The following NAV2 variants were observed in gnomAD, a reference collection of about 807,000 sequenced individuals.
NAV2 encodes neuron navigator 2.
A neutral mutation model predicts 223.2 loss-of-function variants in NAV2; 54 were observed. The ratio of observed to expected loss-of-function variants is 0.24; its 90% confidence interval spans 0.19 to 0.30. The LOEUF (loss-of-function observed/expected upper bound fraction) is 0.30, where lower values mean the gene tolerates loss of function less well. Ranked by LOEUF, NAV2 falls within the 10% of genes least tolerant of loss-of-function variation. NAV2 has a pLI of 1.00. For synonymous variants in NAV2, 1,279 were observed against 1,239.3 expected, an observed-to-expected ratio of 1.03 and a Z score of -0.67; for missense variants, 2,806 against 3,147.5, an observed-to-expected ratio of 0.89 and a Z score of 2.60.
intron 2 of NAV2, among the ~76,000 whole-genome samples, chr11:19,839,339 GAGA>G (rs2044473749): frequency 1.3e-5 from 2 of 152,202 alleles, no homozygotes; most frequent in Admixed American, 1.3e-4. Flanking sequence ...GGGAGCGAGA[GAGA>G]AGGGGTGGGA....
chr11:19,985,684 C>A (rs888183373), intron 11 of NAV2, among the ~76,000 whole-genome samples: 1 of 152,064 alleles, frequency 6.6e-6, no homozygotes, highest in African/African-American at 2.4e-5. Flanking sequence ...TCAAGCAATT[C>A]TCCTGCCTCA....
intron 35 of NAV2, among the ~76,000 whole-genome samples, chr11:20,107,057 ATTTTTTTTTTTTTTTTT>A (rs10590815): frequency 3.3e-4 from 9 of 27,228 alleles, no homozygotes; most frequent in South Asian, 2.0e-3. Flanking sequence ...ATGGGCTTCC[ATTTTTTTTTTTTTTTTT>A]TTTTTTTTTT....
At chr11:20,077,801 A>T (rs1372223984) in intron 23 of NAV2, among the ~76,000 whole-genome samples, 166 bp downstream of exon 23, 1 of 152,240 alleles carries the variant, frequency 6.6e-6, no homozygotes, top group African/African-American at 2.4e-5. Context: ...TGACAGATTG[A>T]TAATGGCATC....
chr11:19,664,065 C>A (rs937199218), intron 1 of NAV2, among the ~76,000 whole-genome samples: 5 of 152,192 alleles, frequency 3.3e-5, no homozygotes, highest in Non-Finnish European at 5.9e-5. Context: ...TGAAAGGAAG[C>A]CTTTCTTCCC....
chr11:20,020,418 G>A (rs573018865), intron 11 of NAV2, among the ~76,000 whole-genome samples: 1 of 152,246 alleles, frequency 6.6e-6, no homozygotes, highest in Non-Finnish European at 1.5e-5. Context: ...CCTGGCTCTT[G>A]AAAAGCGCCA....
At chr11:19,820,667 T>A (rs1482703286) in intron 1 of NAV2, among the ~76,000 whole-genome samples, 1 of 152,244 alleles carries the variant, frequency 6.6e-6, no homozygotes, top group Admixed American at 6.5e-5. Context: ...AGCTATGTGA[T>A]CCTGTGCACC....
At chr11:19,937,904 T>G (rs2046051594) in intron 7 of NAV2, among the ~76,000 whole-genome samples, 1 of 152,036 alleles carries the variant, frequency 6.6e-6, no homozygotes, top group Non-Finnish European at 1.5e-5. Context: ...AACAAGAGAA[T>G]AAGGAGAGTG....
chr11:19,986,472 T>A (rs1010060130), intron 11 of NAV2, among the ~76,000 whole-genome samples: 1 of 152,024 alleles, frequency 6.6e-6, no homozygotes, highest in Non-Finnish European at 1.5e-5. Context: ...ATGCAAAAAT[T>A]AGCCGTTTGT....
At chr11:19,451,668 A>G (rs2094096376) in intron 1 of NAV2, among the ~76,000 whole-genome samples, 1 of 152,196 alleles carries the variant, frequency 6.6e-6, no homozygotes, top group African/African-American at 2.4e-5. Context: ...TGGTCTGGAG[A>G]ATTGAAAGGC....
chr11:19,935,433 C>CATGTGCATACCCGT (rs1453406513), intron 7 of NAV2, among the ~76,000 whole-genome samples: 3 of 152,184 alleles, frequency 2.0e-5, no homozygotes, highest in Non-Finnish European at 2.9e-5. Flanking sequence ...TGCAAAGGCA[C>CATGTGCATACCCGT]ATGTGCATAC....
At position 20,082,997 on chromosome 11, in the gene NAV2, G is replaced by T; in HGVS notation, c.5326-10G>T. The stretch of plus-strand genomic sequence containing the variant: ...CCCCCGCTGTGAGACTGACAGTCTT[G>T]TATATTCAGTTACGCAGCTCCTTCA... On this transcript the variant is annotated splice_polypyrimidine_tract_variant and intron_variant, in intron 25 of 37. Transcript: ENST00000349880. 6.2e-7 allele frequency: 1 copy of T among 1,609,672 alleles called. No homozygotes were observed. The highest frequency in any genetic ancestry group is 8.5e-7 in the Non-Finnish European group (1 of 1,177,726).
intron 2 of NAV2, among the ~76,000 whole-genome samples, chr11:19,834,677 C>G (rs1364080366): frequency 1.3e-5 from 2 of 152,018 alleles, no homozygotes; most frequent in Non-Finnish European, 2.9e-5. Flanking sequence ...AGTTTTGCAG[C>G]TGTGCAGAGT....
At chr11:19,833,344 A>G (rs1227802048) in intron 2 of NAV2, among the ~76,000 whole-genome samples, 1 of 152,224 alleles carries the variant, frequency 6.6e-6, no homozygotes, top group Non-Finnish European at 1.5e-5. Context: ...CCTCTCTGGC[A>G]TGTTGTTGTG....
chr11:19,703,129 A>T (rs1324360589), intron 1 of NAV2, among the ~76,000 whole-genome samples: 1 of 143,666 alleles, frequency 7.0e-6, no homozygotes, highest in Non-Finnish European at 1.6e-5. Context: ...TAATAAAGAA[A>T]ATAATATTTT....
chr11:19,346,206 G>GTA (rs1852997502), upstream of NAV2, among the ~76,000 whole-genome samples: 1 of 152,206 alleles, frequency 6.6e-6, no homozygotes, highest in African/African-American at 2.4e-5. Context: ...TGTGATCTGT[G>GTA]TATATGGATG....
At chr11:19,619,702 C>G (rs1351506336) in intron 1 of NAV2, among the ~76,000 whole-genome samples, 1 of 152,136 alleles carries the variant, frequency 6.6e-6, no homozygotes, top group Admixed American at 6.6e-5. Context: ...TTCTCCCATT[C>G]TGTAGGTTGC....
At chr11:19,640,889 T>A (rs1322093733) in intron 1 of NAV2, among the ~76,000 whole-genome samples, 1 of 152,208 alleles carries the variant, frequency 6.6e-6, no homozygotes, top group Non-Finnish European at 1.5e-5. Flanking sequence ...CCTGAGCAAC[T>A]GCAGACACCA....
At chr11:19,848,251 T>C (rs1030020652) in intron 3 of NAV2, among the ~76,000 whole-genome samples, 1 of 152,096 alleles carries the variant, frequency 6.6e-6, no homozygotes, top group Non-Finnish European at 1.5e-5. Context: ...GAACCCCTCA[T>C]TTTCCCAAAT....
chr11:19,742,733 A>T (rs1223642122), intron 1 of NAV2, among the ~76,000 whole-genome samples: 1 of 152,204 alleles, frequency 6.6e-6, no homozygotes, highest in African/African-American at 2.4e-5. Flanking sequence ...ATGGGCAGGA[A>T]ATCTAAAAGC....
Sources: allele counts gnomAD v4.1 joint callset (sites outside exome capture counted in the v4.1 genomes callset), GRCh38; gene constraint gnomAD v4.1.1; transcripts MANE v1.5; gene names NCBI Gene and HGNC (gene_info 2026-07-23, HGNC 2026-07-21).